The following SLC9A9 variants were observed in gnomAD, a reference collection of about 807,000 sequenced individuals.
SLC9A9 encodes sodium/hydrogen exchanger 9.
SLC9A9 carries 62 observed loss-of-function variants against 77.8 expected under a neutral mutation model. The observed-to-expected ratio is 0.80, with a 90% confidence interval of 0.65 to 0.98. The LOEUF (loss-of-function observed/expected upper bound fraction) is 0.98, where lower values mean the gene tolerates loss of function less well. Among genes scored for constraint, SLC9A9 ranks in the 50% least tolerant of loss-of-function variants. The pLI is 0.00. For missense variants in SLC9A9, 775 were observed against 774.9 expected, an observed-to-expected ratio of 1.00 and a Z score of 0.00; for synonymous variants, 320 against 283.5, an observed-to-expected ratio of 1.13 and a Z score of -1.29.
intron 6 of SLC9A9, among the ~76,000 whole-genome samples, chr3:143,641,952 C>T (rs929592207): frequency 6.6e-6 from 1 of 152,158 alleles, no homozygotes; most frequent in African/African-American, 2.4e-5. Flanking sequence ...CATAGTCATG[C>T]CTTATTAGAT....
At chr3:143,784,461 T>C (rs569568651) in intron 4 of SLC9A9, among the ~76,000 whole-genome samples, 1 of 152,260 alleles carries the variant, frequency 6.6e-6, no homozygotes, top group African/African-American at 2.4e-5. Context: ...GTTTCATTTT[T>C]GTAGGCAGAG....
chr3:143,764,481 G>A (rs778551178), intron 4 of SLC9A9, among the ~76,000 whole-genome samples: 2 of 152,182 alleles, frequency 1.3e-5, no homozygotes, highest in Non-Finnish European at 2.9e-5. Context: ...TAGATGCACA[G>A]TCACCACCTC....
chr3:143,265,433 C>T lies in SLC9A9; in HGVS notation c.*1269G>A, dbSNP rs950751276. On this transcript the variant is annotated 3_prime_UTR_variant, in exon 16 of 16. Coordinates refer to ENST00000316549, the MANE Select transcript of SLC9A9 (RefSeq NM_173653.4). The stretch of plus-strand genomic sequence containing the variant: ...TGAATGTTGTTTAAGGCCTAACAAA[C>T]AGTGGTCAGCAAAGCATACATTACT... The T allele has an allele frequency of 5.2e-5, 8 of 155,148 alleles. No homozygotes were observed. The highest frequency in any genetic ancestry group is 8.6e-5 in the Non-Finnish European group (6 of 69,874). 9.6% of individuals were successfully genotyped at this position (155,148 alleles called of 1,614,324 possible). A position where few individuals can be genotyped will look rare whatever the true frequency, so the allele number is the denominator to read the frequency against.
chr3:143,739,403 G>A (rs187602366), intron 4 of SLC9A9, among the ~76,000 whole-genome samples: 178 of 152,080 alleles, frequency 1.2e-3, no homozygotes, highest in African/African-American at 4.0e-3. Context: ...GGACACAAAG[G>A]GATTAAAAAA....
intron 7 of SLC9A9, among the ~76,000 whole-genome samples, chr3:143,576,100 G>A (rs2037353703): frequency 6.6e-6 from 1 of 152,204 alleles, no homozygotes; most frequent in Non-Finnish European, 1.5e-5. Context: ...ATCAGGTAGA[G>A]AAGAATTCTG....
chr3:143,472,436 CT>C (rs946123151), intron 11 of SLC9A9, among the ~76,000 whole-genome samples: 1 of 152,114 alleles, frequency 6.6e-6, no homozygotes, highest in Non-Finnish European at 1.5e-5. Flanking sequence ...ATGCCCAAAT[CT>C]TTTTTTCTCA....
chr3:143,495,971 A>T (rs1302142915), intron 9 of SLC9A9, among the ~76,000 whole-genome samples: 1 of 152,218 alleles, frequency 6.6e-6, no homozygotes, highest in Non-Finnish European at 1.5e-5. Context: ...TGTCAATTAC[A>T]TTTTAACATT....
At chr3:143,511,945 AT>A (rs1559946803) in intron 9 of SLC9A9, among the ~76,000 whole-genome samples, 1 of 152,208 alleles carries the variant, frequency 6.6e-6, no homozygotes, top group Non-Finnish European at 1.5e-5. Flanking sequence ...ATACCCTGGA[AT>A]TTCACCTTGT....
At chr3:143,381,005 C>T (rs759581792) in intron 13 of SLC9A9, among the ~76,000 whole-genome samples, 40 of 152,288 alleles carry the variant, frequency 2.6e-4, no homozygotes, top group Middle Eastern at 3.4e-3. Flanking sequence ...TCTATGTCTG[C>T]CTACTTCTAA....
At chr3:143,845,703 C>A (rs982902711) in intron 1 of SLC9A9, among the ~76,000 whole-genome samples, 1 of 152,180 alleles carries the variant, frequency 6.6e-6, no homozygotes, top group African/African-American at 2.4e-5. Context: ...GACATCCTAA[C>A]AATTATGATT....
At chr3:143,434,369 A>AG (rs1491012863) in intron 12 of SLC9A9, among the ~76,000 whole-genome samples, 1 of 152,242 alleles carries the variant, frequency 6.6e-6, no homozygotes. Context: ...AGGAAAAAAA[A>AG]GAAACCTCAT....
At position 143,785,950 on chromosome 3, in the gene SLC9A9, G is replaced by T. The variant is rs371486367; in HGVS notation, c.533+9051C>A. On this transcript the variant is annotated intron_variant, in intron 4 of 15. Coordinates refer to ENST00000316549, the MANE Select transcript of SLC9A9 (RefSeq NM_173653.4). ...CGACTCACTGCAAGCTCCGCCTCCC[G>T]GGTTCACGCCATTCTCCTGCCTCAG... Among the ~76,000 whole-genome samples, 504 of 144,390 alleles carry T rather than the reference G, an allele frequency of 3.5e-3. 1 individual carries two copies. Among genetic ancestry groups the T allele is most frequent in the African/African-American group, 0.011 (450 of 39,934 alleles). The allele number at this position is 144,390 out of a possible 152,430, so 94.7% of individuals were successfully genotyped here. A position where few individuals can be genotyped will look rare whatever the true frequency, so the allele number is the denominator to read the frequency against.
chr3:143,506,190 C>T (rs974845965), intron 9 of SLC9A9, among the ~76,000 whole-genome samples: 3 of 152,126 alleles, frequency 2.0e-5, no homozygotes, highest in African/African-American at 7.2e-5. Context: ...CACATATGCA[C>T]ACAGAATTTA....
chr3:143,377,753 C>A (rs1047604366), intron 13 of SLC9A9, among the ~76,000 whole-genome samples: 31 of 152,200 alleles, frequency 2.0e-4, no homozygotes, highest in Non-Finnish European at 2.9e-5. Context: ...TACTTCCAAG[C>A]TCCAAACCAA....
At chr3:143,811,592 T>C in intron 2 of SLC9A9, 2 of 443,004 alleles carry the variant, frequency 4.5e-6, no homozygotes, top group South Asian at 3.2e-5. Context: ...ACACCTATAA[T>C]CCCAGTACTT....
chr3:143,439,278 G>T (rs2034681341), intron 12 of SLC9A9, among the ~76,000 whole-genome samples: 1 of 152,170 alleles, frequency 6.6e-6, no homozygotes. Context: ...GAAATAACTT[G>T]CCTGAAGTCA....
chr3:143,651,387 A>G (rs952841065), intron 6 of SLC9A9, among the ~76,000 whole-genome samples: 10 of 152,224 alleles, frequency 6.6e-5, no homozygotes, highest in African/African-American at 2.4e-4. Context: ...GAAAAAAAAG[A>G]GTAGTGCTGC....
intron 11 of SLC9A9, among the ~76,000 whole-genome samples, chr3:143,485,831 T>C (rs1168565378): frequency 6.6e-6 from 1 of 151,878 alleles, no homozygotes; most frequent in Non-Finnish European, 1.5e-5. Context: ...AACAACTGTC[T>C]TAAAGATGCT....
At chr3:143,614,158 A>G (rs573463457) in intron 6 of SLC9A9, among the ~76,000 whole-genome samples, 1 of 152,276 alleles carries the variant, frequency 6.6e-6, no homozygotes, top group African/African-American at 2.4e-5. Context: ...GACTTCACCA[A>G]GGCAGGCAAT....
Sources: gnomAD v4.1 joint callset for allele counts (sites outside exome capture counted in the v4.1 genomes callset) on GRCh38, gnomAD v4.1.1 for gene constraint, MANE v1.5 for transcripts, NCBI Gene and HGNC (gene_info 2026-07-23, HGNC 2026-07-21) for gene names.